Variants in TBC1D1 observed in about 807,000 individuals in gnomAD.
TBC1D1 encodes TBC1 domain family member 1, also known as TBC1 (tre-2/USP6, BUB2, cdc16) domain family, member 1.
A neutral mutation model predicts 125.6 loss-of-function variants in TBC1D1; 89 were observed. The ratio of observed to expected loss-of-function variants is 0.71; its 90% confidence interval spans 0.60 to 0.85. TBC1D1 has a LOEUF of 0.85. Ranked by LOEUF, TBC1D1 falls within the 40% of genes least tolerant of loss-of-function variation. TBC1D1 has a pLI of 0.00. For missense variants in TBC1D1, 1,377 were observed against 1,469.2 expected (o/e 0.94, Z 1.03); for synonymous variants, 565 against 564.1 (o/e 1.00, Z -0.02).
intron 16 of TBC1D1, 111 bp downstream of exon 18, chr4:38,116,065 T>A (rs1762937666): frequency 3.4e-6 from 4 of 1,182,300 alleles, no homozygotes; most frequent in East Asian, 4.8e-5. Flanking sequence ...TTGTAATAGC[T>A]GTCACTGCTG....
intron 19 of TBC1D1, among the ~76,000 whole-genome samples, chr4:38,135,174 C>G (rs904898307): frequency 1.3e-5 from 2 of 152,092 alleles, no homozygotes; most frequent in African/African-American, 4.8e-5. Flanking sequence ...TCTGGGGGGG[C>G]CAAAATACCA....
chr4:38,112,927 G>A lies in TBC1D1; in HGVS notation c.2558-2783G>A, dbSNP rs115320256. Among the ~76,000 whole-genome samples the A allele has an allele frequency of 2.4e-3, 368 of 152,290 alleles. 3 individuals are homozygous for A. The highest frequency in any genetic ancestry group is 6.6e-3 in the South Asian group (32 of 4,824). ...CTCGAGAAGTGCTTGTTGGAGGCTT[G>A]AGTGCAGAGCCTGTGAGAAGCTCTA... On this transcript the variant is annotated intron_variant, in intron 15 of 19. Coordinates refer to ENST00000261439, the MANE Select transcript of TBC1D1 (RefSeq NM_015173.4).
intron 8 of TBC1D1, among the ~76,000 whole-genome samples, chr4:38,040,223 C>T (rs1007442304): frequency 2.0e-5 from 3 of 152,232 alleles, no homozygotes; most frequent in Non-Finnish European, 2.9e-5. Context: ...AAATGCACTT[C>T]TGTCTCTTAG....
At chr4:38,129,043 T>C (rs1266642351) in intron 18 of TBC1D1, among the ~76,000 whole-genome samples, 5 of 152,176 alleles carry the variant, frequency 3.3e-5, no homozygotes, top group Non-Finnish European at 4.4e-5. Flanking sequence ...CATCATATCA[T>C]GTCAGAGCTT....
chr4:37,951,120 T>C (rs987592574), intron 2 of TBC1D1, among the ~76,000 whole-genome samples: 1 of 152,212 alleles, frequency 6.6e-6, no homozygotes, highest in Non-Finnish European at 1.5e-5. Flanking sequence ...AACAATACAA[T>C]GTACTTTTCC....
chr4:37,969,735 G>A (rs528454342), intron 2 of TBC1D1, among the ~76,000 whole-genome samples: 74 of 152,136 alleles, frequency 4.9e-4, no homozygotes, highest in Non-Finnish European at 1.0e-3. Flanking sequence ...ATCACACAGC[G>A]GGATTTACCA....
chr4:38,062,223 A>C (rs1752893050), intron 12 of TBC1D1, among the ~76,000 whole-genome samples: 2 of 150,552 alleles, frequency 1.3e-5, no homozygotes, highest in East Asian at 3.9e-4. Flanking sequence ...TGCTCCCCGC[A>C]TCTTGATTGC....
At chr4:38,034,508 T>G (rs985020784) in intron 7 of TBC1D1, among the ~76,000 whole-genome samples, 7 of 152,260 alleles carry the variant, frequency 4.6e-5, no homozygotes, top group African/African-American at 1.7e-4. Context: ...AAGAAAGGAC[T>G]GTCAGAAAGT....
intron 2 of TBC1D1, chr4:37,952,133 A>C (rs754124066): frequency 4.2e-6 from 3 of 714,896 alleles, no homozygotes; most frequent in Non-Finnish European, 5.2e-6. Flanking sequence ...GCCTGCAGTC[A>C]TGATGAACCC....
intron 2 of TBC1D1, among the ~76,000 whole-genome samples, chr4:37,974,297 C>CGAAATGCAGATG (rs1308632030): frequency 2.0e-5 from 3 of 152,082 alleles, no homozygotes; most frequent in African/African-American, 7.2e-5. Flanking sequence ...GTGGCTGAAT[C>CGAAATGCAGATG]TCAACTCACT....
At position 38,064,922 on chromosome 4, in the gene TBC1D1, G is replaced by A. The variant is rs548570428; in HGVS notation, c.2050+10584G>A. ...TTACAGGCGTGAGCCACCATGCCCA[G>A]CCTACATTTCTTTTTTTTTTTTCTT... On this transcript the variant is annotated intron_variant, in intron 12 of 19. Coordinates refer to ENST00000261439, the MANE Select transcript of TBC1D1 (RefSeq NM_015173.4). Among the ~76,000 whole-genome samples the A allele has an allele frequency of 4.7e-5, 7 of 149,864 alleles. No individual in the cohort carries two copies. In the South Asian group the frequency reaches 1.3e-3, roughly 27 times the overall value.
intron 1 of TBC1D1, among the ~76,000 whole-genome samples, chr4:37,900,672 G>T (rs947788159): frequency 6.6e-6 from 1 of 152,160 alleles, no homozygotes; most frequent in African/African-American, 2.4e-5. Context: ...GAGCAAGTGA[G>T]TAAAGAATAG....
intron 2 of TBC1D1, among the ~76,000 whole-genome samples, chr4:37,930,453 T>A (rs1003998055): frequency 6.6e-6 from 1 of 151,760 alleles, no homozygotes; most frequent in African/African-American, 2.4e-5. Flanking sequence ...TCCCAAAGTG[T>A]TGGGATTACA....
intron 5 of TBC1D1, among the ~76,000 whole-genome samples, chr4:38,021,107 C>T (rs904008126): frequency 1.4e-4 from 21 of 152,302 alleles, no homozygotes; most frequent in African/African-American, 3.4e-4. Context: ...ACATGGCCAG[C>T]GAGGCCTCAC....
intron 2 of TBC1D1, among the ~76,000 whole-genome samples, chr4:38,006,619 C>T (rs895227159): frequency 6.6e-6 from 1 of 151,950 alleles, no homozygotes. Flanking sequence ...GCTGGGACTA[C>T]AGGCATGTGC....
intron 2 of TBC1D1, among the ~76,000 whole-genome samples, chr4:38,001,595 C>T (rs1739099533): frequency 6.6e-6 from 1 of 152,150 alleles, no homozygotes; most frequent in Admixed American, 6.5e-5. Context: ...AAAAGAGTCA[C>T]CTCATTAGCA....
chr4:37,968,008 G>C (rs73810077), intron 2 of TBC1D1, among the ~76,000 whole-genome samples: 6 of 152,190 alleles, frequency 3.9e-5, no homozygotes, highest in African/African-American at 1.4e-4. Context: ...GAAAAACACC[G>C]ATTCTATTTT....
intron 2 of TBC1D1, among the ~76,000 whole-genome samples, chr4:37,999,154 C>G (rs938144716): frequency 6.6e-6 from 1 of 152,126 alleles, no homozygotes; most frequent in Admixed American, 6.5e-5. Flanking sequence ...GAGGCTGAAG[C>G]AGGAGAATCG....
At chr4:37,964,041 T>C (rs190781868) in intron 2 of TBC1D1, among the ~76,000 whole-genome samples, 3 of 152,316 alleles carry the variant, frequency 2.0e-5, no homozygotes, top group East Asian at 3.9e-4. Flanking sequence ...TTCCTTGCTG[T>C]ATGGGCCTGC....
Sources: allele counts gnomAD v4.1 joint callset (sites outside exome capture counted in the v4.1 genomes callset), GRCh38; gene constraint gnomAD v4.1.1; transcripts MANE v1.5; gene names NCBI Gene and HGNC (gene_info 2026-07-23, HGNC 2026-07-21).